The following PHLDB2 variants were observed in gnomAD, a reference collection of about 807,000 sequenced individuals.
PHLDB2 encodes pleckstrin homology like domain family B member 2.
A neutral mutation model predicts 123.6 loss-of-function variants in PHLDB2; 71 were observed. The ratio of observed to expected loss-of-function variants is 0.57; its 90% CI spans 0.47 to 0.70. The LOEUF is 0.70. PHLDB2 is among the 30% of genes least tolerant of loss of function. PHLDB2 has a pLI of 0.00. For synonymous variants in PHLDB2, 547 were observed against 541.6 expected, an observed-to-expected ratio of 1.01 and a Z score of -0.14; for missense variants, 1,446 against 1,519.5, an observed-to-expected ratio of 0.95 and a Z score of 0.80.
intron 2 of PHLDB2, among the ~76,000 whole-genome samples, chr3:111,891,161 A>G (rs2066465380): frequency 6.6e-6 from 1 of 152,112 alleles, no homozygotes; most frequent in African/African-American, 2.4e-5. Flanking sequence ...TGGGATGCTG[A>G]TTCTTTGACA....
At position 111,969,893 on chromosome 3, in the gene PHLDB2, A is replaced by G; in HGVS notation, c.3519A>G (p.Thr1173=). The change falls in exon 16 of 18, where the codon ACA becomes ACG. Residue 1173 remains threonine (T), a synonymous_variant. Coordinates refer to ENST00000431670, the MANE Select transcript of PHLDB2 (RefSeq NM_001134438.2). ...RWFVFDRNKR[T]FSYYADKHET... ...TTGTTTTTGATCGGAACAAGCGAAC[A>G]TTCTCTTATTATGCAGGTGGGTGAT... 2 of 1,613,958 alleles carry G rather than the reference A, an allele frequency of 1.2e-6. No homozygotes were observed. Among genetic ancestry groups the G allele is most frequent in the Admixed American group, 1.7e-5 (1 of 60,016 alleles).
intron 2 of PHLDB2, among the ~76,000 whole-genome samples, chr3:111,904,940 T>C (rs944138876): frequency 6.6e-6 from 1 of 152,228 alleles, no homozygotes; most frequent in African/African-American, 2.4e-5. Context: ...GGGAATGTGT[T>C]GCTGAGAAAT....
intron 1 of PHLDB2, among the ~76,000 whole-genome samples, chr3:111,775,736 AT>A (rs1296240593): frequency 6.6e-6 from 1 of 152,196 alleles, no homozygotes; most frequent in Non-Finnish European, 1.5e-5. Context: ...GAGAATAATT[AT>A]TTTAGATATG....
At chr3:111,790,646 A>G (rs1319408383) in intron 1 of PHLDB2, among the ~76,000 whole-genome samples, 1 of 152,232 alleles carries the variant, frequency 6.6e-6, no homozygotes, top group Admixed American at 6.5e-5. Context: ...TGATGAGGTG[A>G]GCGCAGTGCA....
At chr3:111,883,124 A>T (rs1011710650) in intron 1 of PHLDB2, among the ~76,000 whole-genome samples, 5 of 151,996 alleles carry the variant, frequency 3.3e-5, no homozygotes, top group Admixed American at 6.6e-5. Context: ...ATCTAAGAAA[A>T]TTTTTTTTTA....
intron 1 of PHLDB2, among the ~76,000 whole-genome samples, chr3:111,800,755 GAGAC>G (rs1488693348): frequency 6.6e-6 from 1 of 152,234 alleles, no homozygotes; most frequent in East Asian, 1.9e-4. Flanking sequence ...TGCAATGAGA[GAGAC>G]AGAAACTATT....
chr3:111,876,735 G>C (rs1051311104), intron 1 of PHLDB2, among the ~76,000 whole-genome samples: 1 of 151,942 alleles, frequency 6.6e-6, no homozygotes, highest in African/African-American at 2.4e-5. Context: ...CCCACACCCT[G>C]ACAAGCCATG....
chr3:111,969,663 G>A (rs1395711530), intron 15 of PHLDB2, 27 bp from the exon 16 acceptor site: 1 of 1,566,240 alleles, frequency 6.4e-7, no homozygotes, highest in Non-Finnish European at 8.8e-7. Context: ...ATTAGCTATA[G>A]ATGCAATGGG....
At position 111,919,204 on chromosome 3, in the gene PHLDB2, T is replaced by G; in HGVS notation, c.1852T>G (p.Ser618Ala). The change falls in exon 4 of 18, where the codon TCT becomes GCT. Residue 618 changes from serine (S) to alanine (A), a missense_variant. This residue lies in a region of PHLDB2 where 832 missense variants were observed against 831.9 expected (regional missense o/e 1.00). Transcript: ENST00000431670. ...AGACATAAATGATCAGATGGATGAG[T>G]CTTTCAGAGAGGTAAACTTTTTACC... ...IKDINDQMDE[S>A]FRELDMECAL... 6.2e-7 allele frequency: 1 copy of G among 1,614,014 alleles called. No homozygotes were observed. Among genetic ancestry groups the G allele is most frequent in the Non-Finnish European group, 8.5e-7 (1 of 1,179,934 alleles).
intron 5 of PHLDB2, among the ~76,000 whole-genome samples, chr3:111,920,947 T>G (rs2068464810): frequency 1.3e-5 from 2 of 152,266 alleles, no homozygotes; most frequent in Admixed American, 1.3e-4. Flanking sequence ...ACAAATGTAT[T>G]GGAGTTTCTA....
intron 1 of PHLDB2, among the ~76,000 whole-genome samples, chr3:111,766,200 G>A (rs1379328907): frequency 1.3e-5 from 2 of 152,136 alleles, no homozygotes; most frequent in Non-Finnish European, 2.9e-5. Flanking sequence ...CAGCACTTTG[G>A]GAGGCCAAGG....
At chr3:111,766,218 A>G (rs1051802446) in intron 1 of PHLDB2, among the ~76,000 whole-genome samples, 8 of 152,154 alleles carry the variant, frequency 5.3e-5, no homozygotes, top group African/African-American at 1.9e-4. Context: ...AGGCAGGTGG[A>G]TCACTTGAGG....
rs2064682404 is a variant in PHLDB2 at position 111,859,460 on chromosome 3, C to T, written c.-131C>T. 4.1e-6 allele frequency: 4 copies of T among 985,376 alleles called. No homozygotes were observed. Among genetic ancestry groups the T allele is most frequent in the African/African-American group, 1.7e-5 (1 of 57,254 alleles). The allele number at this position is 985,376 out of a possible 1,614,324, so 61.0% of individuals were successfully genotyped here. ...GGGTCAAGAGTGCCGGACCCAGCCG[C>T]GCGGAGCCCACCATTGCGGCCCGAG... is the stretch of plus-strand genomic sequence containing the variant. On this transcript the variant is annotated 5_prime_UTR_variant, in exon 1 of 18. Coordinates refer to ENST00000431670, the MANE Select transcript of PHLDB2 (RefSeq NM_001134438.2).
chr3:111,794,950 A>T (rs1333067194), intron 1 of PHLDB2, among the ~76,000 whole-genome samples: 3 of 152,184 alleles, frequency 2.0e-5, no homozygotes, highest in African/African-American at 7.2e-5. Context: ...AGAGGATCAC[A>T]TGCTCTCCAG....
intron 1 of PHLDB2, among the ~76,000 whole-genome samples, chr3:111,767,918 G>C (rs759055776): frequency 1.5e-4 from 23 of 152,164 alleles, no homozygotes; most frequent in Non-Finnish European, 2.4e-4. Context: ...TGCTTGGGTT[G>C]TATATGAATA....
intron 1 of PHLDB2, among the ~76,000 whole-genome samples, chr3:111,764,495 T>C (rs1176901269): frequency 1.3e-5 from 2 of 152,196 alleles, no homozygotes; most frequent in Admixed American, 1.3e-4. Context: ...ATTCCCAACC[T>C]CCCCTTCTTT....
intron 1 of PHLDB2, among the ~76,000 whole-genome samples, chr3:111,769,863 CAG>C (rs1234950702): frequency 6.6e-6 from 1 of 152,170 alleles, no homozygotes; most frequent in Non-Finnish European, 1.5e-5. Flanking sequence ...ATGTTTAAGA[CAG>C]AGATTAAGAA....
At chr3:111,861,821 C>G (rs1222248248) in intron 1 of PHLDB2, among the ~76,000 whole-genome samples, 1 of 152,156 alleles carries the variant, frequency 6.6e-6, no homozygotes, top group Non-Finnish European at 1.5e-5. Context: ...AGTGATTAAC[C>G]AATCTCTGGT....
chr3:111,811,487 C>A (rs1022525057), intron 1 of PHLDB2, among the ~76,000 whole-genome samples: 2 of 151,998 alleles, frequency 1.3e-5, no homozygotes, highest in Non-Finnish European at 2.9e-5. Flanking sequence ...CAAAAGAAAT[C>A]GTTAGGCAGT....
Sources: gnomAD v4.1 joint callset for allele counts (sites outside exome capture counted in the v4.1 genomes callset) on GRCh38, gnomAD v4.1.1 for gene constraint, gnomAD v4.1.1 regional missense constraint, MANE v1.5 for transcripts, NCBI Gene and HGNC (gene_info 2026-07-23, HGNC 2026-07-21) for gene names.